Variants in RECK observed in about 807,000 individuals in gnomAD.
RECK encodes reversion-inducing cysteine-rich protein with Kazal motifs.
A neutral mutation model predicts 115.1 loss-of-function variants in RECK; 69 were observed. The observed-to-expected ratio is 0.60, with a 90% CI of 0.49 to 0.73. The LOEUF (loss-of-function observed/expected upper bound fraction) is 0.73. Among genes scored for constraint, RECK ranks in the 30% least tolerant of loss-of-function variants. The probability of loss-of-function intolerance (pLI) is 0.00; values close to 1 mark genes in which losing one functional copy is unlikely to be tolerated. For synonymous variants in RECK, 414 were observed against 419.7 expected, an observed-to-expected ratio of 0.99 and a Z score of 0.17; for missense variants, 1,047 against 1,203.7, an observed-to-expected ratio of 0.87 and a Z score of 1.93.
intron 1 of RECK, among the ~76,000 whole-genome samples, chr9:36,039,826 G>C (rs1481391230): frequency 6.6e-6 from 1 of 152,196 alleles, no homozygotes; most frequent in Non-Finnish European, 1.5e-5. Context: ...ATAAGAAGCA[G>C]ATTCTCTTAC....
rs1823748752 is a variant in RECK, at chr9:36,105,182, A to C, written c.1475A>C (p.His492Pro). 3 of 1,614,138 alleles carry C rather than the reference A, an allele frequency of 1.9e-6. No homozygotes were observed. The African/African-American group carries it at 4.0e-5, about 22-fold the overall frequency. ...GGTAACATTGTAGAAGAAGTGACTC[A>C]TCCCTGTAACCCAAATCCTTGCCCT... The part of the protein sequence containing the change: ...TLGNIVEEVT[H>P]PCNPNPCPAN... Residue 492 changes from histidine to proline, a missense_variant, in exon 13 of 21, where the codon CAT becomes CCT. Transcript: ENST00000377966.
intron 17 of RECK, 71 bp downstream of exon 17, chr9:36,117,248 T>G: frequency 7.8e-7 from 1 of 1,277,630 alleles, no homozygotes; most frequent in Non-Finnish European, 1.1e-6. Flanking sequence ...TACAGATGAA[T>G]CAACAGTAAG....
chr9:36,046,849 C>T (rs1821088031), intron 1 of RECK, among the ~76,000 whole-genome samples: 1 of 152,038 alleles, frequency 6.6e-6, no homozygotes, highest in Non-Finnish European at 1.5e-5. Context: ...GAGGGATACT[C>T]CCCTATAGAT....
In RECK at chr9:36,117,051, T is replaced by C. The variant is rs781198959; in HGVS notation, c.2127T>C (p.Cys709=). The C allele has an allele frequency of 5.0e-6, 8 of 1,613,958 alleles. No homozygotes were observed. Among genetic ancestry groups the C allele is most frequent in the African/African-American group, 1.3e-5 (1 of 74,936 alleles). ...FDKFGCSQYE[C]VPRQLACDQV... is the part of the protein sequence containing the mutation. Reference sequence around the variant, plus strand: ...AATTTGGATGTAGCCAGTATGAGTGTGTACCAAGACAGCTCGCGTGTGACC... The same window carrying C: ...AATTTGGATGTAGCCAGTATGAGTGCGTACCAAGACAGCTCGCGTGTGACC... Residue 709 remains cysteine (C), a synonymous_variant, in exon 17 of 21, where the codon TGT becomes TGC. Coordinates refer to ENST00000377966, the MANE Select transcript of RECK (RefSeq NM_021111.3).
chr9:36,117,168 T>G lies in RECK; in HGVS notation c.2244T>G (p.Gly748=). ...YQRGKSLSYK[G]PCQPFCRATE... ...GAGGAAAAAGCCTCTCTTACAAAGG[T>G]CCCTGCCAGGTACAGTGCTTTGGCT... is the stretch of plus-strand genomic sequence containing the variant. Residue 748 remains glycine (G), a synonymous_variant, in exon 17 of 21, where the codon GGT becomes GGG. Coordinates refer to ENST00000377966, the MANE Select transcript of RECK (RefSeq NM_021111.3). 1 of 1,610,968 alleles carries G rather than the reference T, an allele frequency of 6.2e-7. No individual in the cohort carries two copies. The highest frequency in any genetic ancestry group is 2.2e-5 in the East Asian group (1 of 44,832).
chr9:36,110,510 G>A (rs1823998720), intron 15 of RECK, among the ~76,000 whole-genome samples: 1 of 152,114 alleles, frequency 6.6e-6, no homozygotes, highest in East Asian at 1.9e-4. Context: ...TAATATCCCA[G>A]AATATTACTT....
intron 9 of RECK, 124 bp from the exon 10 acceptor site, chr9:36,091,040 G>GA (rs1412576033): frequency 3.4e-5 from 27 of 783,598 alleles, no homozygotes; most frequent in East Asian, 2.7e-4. Flanking sequence ...TAGTCATTTG[G>GA]TTTTTTTACT....
chr9:36,077,097 A>C (rs1409595206), intron 6 of RECK, among the ~76,000 whole-genome samples: 2 of 152,166 alleles, frequency 1.3e-5, no homozygotes, highest in African/African-American at 4.8e-5. Flanking sequence ...TCCTCACCTC[A>C]GCACCCCTAT....
intron 4 of RECK, 133 bp downstream of exon 4, chr9:36,060,288 A>C: frequency 1.3e-6 from 1 of 794,764 alleles, no homozygotes; most frequent in Non-Finnish European, 2.0e-6. Context: ...CAACACCTAA[A>C]TTTTTTTTTT....
intron 17 of RECK, among the ~76,000 whole-genome samples, chr9:36,117,693 A>T (rs1475680732): frequency 6.6e-6 from 1 of 152,236 alleles, no homozygotes; most frequent in Non-Finnish European, 1.5e-5. Flanking sequence ...TTTTAAGGAA[A>T]AAAACTGGGC....
chr9:36,115,242 GA>G (rs1445473418), intron 16 of RECK, among the ~76,000 whole-genome samples: 1 of 151,870 alleles, frequency 6.6e-6, no homozygotes, highest in African/African-American at 2.4e-5. Context: ...TTGAACCCGG[GA>G]AGCAGAGGTT....
chr9:36,048,486 A>C (rs573159644), intron 1 of RECK, among the ~76,000 whole-genome samples: 1 of 151,938 alleles, frequency 6.6e-6, no homozygotes, highest in East Asian at 1.9e-4. Context: ...TCCTTTCTCT[A>C]TTTTCCAAAG....
At chr9:36,099,224 T>TCAACAACAACAA (rs60403523) in intron 10 of RECK, among the ~76,000 whole-genome samples, 20 of 146,870 alleles carry the variant, frequency 1.4e-4, no homozygotes, top group South Asian at 2.2e-4. Flanking sequence ...AGAACCTGTC[T>TCAACAACAACAA]CAACAACAAC....
intron 6 of RECK, among the ~76,000 whole-genome samples, chr9:36,080,153 A>G (rs997868589): frequency 6.6e-6 from 1 of 152,228 alleles, no homozygotes; most frequent in Non-Finnish European, 1.5e-5. Context: ...TAGGAAACTC[A>G]GATGATTCCA....
At chr9:36,040,439 A>C (rs1408639786) in intron 1 of RECK, among the ~76,000 whole-genome samples, 2 of 152,278 alleles carry the variant, frequency 1.3e-5, no homozygotes, top group African/African-American at 4.8e-5. Context: ...CATAAGGAAC[A>C]AAAGGTTATA....
intron 4 of RECK, 53 bp from the exon 5 acceptor site, chr9:36,063,742 A>G (rs556121859): frequency 4.6e-6 from 7 of 1,512,286 alleles, no homozygotes; most frequent in Non-Finnish European, 6.4e-6. Flanking sequence ...CTGGCATGCT[A>G]TCTCTTTTTA....
intron 1 of RECK, among the ~76,000 whole-genome samples, chr9:36,042,923 A>G (rs2132547437): frequency 6.6e-6 from 1 of 150,624 alleles, no homozygotes; most frequent in Non-Finnish European, 1.5e-5. Context: ...TTTCCCTGGT[A>G]ATTAGTGATG....
At chr9:36,097,032 A>G (rs964310459) in intron 10 of RECK, among the ~76,000 whole-genome samples, 1 of 152,176 alleles carries the variant, frequency 6.6e-6, no homozygotes, top group Non-Finnish European at 1.5e-5. Flanking sequence ...TTTTAAAATT[A>G]TGCAAAAAAG....
At chr9:36,091,517 A>G (rs1053866439) in intron 10 of RECK, among the ~76,000 whole-genome samples, 174 bp downstream of exon 10, 1 of 152,212 alleles carries the variant, frequency 6.6e-6, no homozygotes, top group Non-Finnish European at 1.5e-5. Flanking sequence ...AGGAAACACT[A>G]TTACAAAGTC....
Sources: gnomAD v4.1 joint callset for allele counts (sites outside exome capture counted in the v4.1 genomes callset) on GRCh38, gnomAD v4.1.1 for gene constraint, MANE v1.5 for transcripts, NCBI Gene and HGNC (gene_info 2026-07-23, HGNC 2026-07-21) for gene names.